EPHB2: variants seen among roughly 807,000 people sequenced by gnomAD.
EPHB2 encodes ephrin type-B receptor 2.
In EPHB2, 18 loss-of-function variants were observed where a neutral mutation model predicts 96.4. The observed-to-expected ratio is 0.19, with a 90% CI of 0.13 to 0.28. The LOEUF is 0.28. Among genes scored for constraint, EPHB2 ranks in the 10% least tolerant of loss-of-function variants. The pLI is 1.00. For synonymous variants in EPHB2, 506 were observed against 534.1 expected (o/e 0.95, Z 0.72); for missense variants, 989 against 1,355.4 (o/e 0.73, Z 4.25).
At chr1:22,719,379 T>C (rs1430308385) in intron 1 of EPHB2, 4 of 153,574 alleles carry the variant, frequency 2.6e-5, no homozygotes, top group Non-Finnish European at 5.9e-5. Flanking sequence ...TTAGCCAACA[T>C]TTGAAAATCA....
chr1:22,882,518 C>T, intron 6 of EPHB2, 35 bp downstream of exon 6: 1 of 1,612,042 alleles, frequency 6.2e-7, no homozygotes, highest in South Asian at 1.1e-5. Flanking sequence ...CCATCACCCA[C>T]CTCCCTGAGG....
chr1:22,843,478 C>T (rs571930461), intron 3 of EPHB2, among the ~76,000 whole-genome samples: 90 of 152,220 alleles, frequency 5.9e-4, no homozygotes, highest in African/African-American at 2.0e-3. Flanking sequence ...GGTAGTTTTT[C>T]GATCCTCTCT....
At chr1:22,855,546 G>A (rs1401228138) in intron 3 of EPHB2, among the ~76,000 whole-genome samples, 1 of 152,218 alleles carries the variant, frequency 6.6e-6, no homozygotes, top group Non-Finnish European at 1.5e-5. Flanking sequence ...AATGCCTGTA[G>A]AATAAATTTA....
intron 9 of EPHB2, among the ~76,000 whole-genome samples, chr1:22,896,959 A>C (rs1291346691): frequency 6.6e-6 from 1 of 152,360 alleles, no homozygotes; most frequent in South Asian, 2.1e-4. Flanking sequence ...AATCAAACTG[A>C]ATAAATAAGA....
chr1:22,724,271 A>G (rs1561627), intron 1 of EPHB2, among the ~76,000 whole-genome samples: 46,308 of 152,042 alleles, frequency 0.3, 8,280 homozygotes, highest in South Asian at 0.59. Flanking sequence ...ATGTAGAGAT[A>G]TATATTTTTT....
intron 1 of EPHB2, among the ~76,000 whole-genome samples, chr1:22,781,090 G>A (rs992092229): frequency 6.6e-6 from 1 of 151,956 alleles, no homozygotes; most frequent in African/African-American, 2.4e-5. Context: ...GGAGGGCGAG[G>A]CGGGCGGATC....
chr1:22,829,321 C>T (rs1289034926), intron 3 of EPHB2, among the ~76,000 whole-genome samples: 1 of 152,228 alleles, frequency 6.6e-6, no homozygotes, highest in African/African-American at 2.4e-5. Context: ...GGGAGAGGCT[C>T]CCGGTCAGCG....
chr1:22,787,470 T>C (rs1231395347), intron 3 of EPHB2, among the ~76,000 whole-genome samples: 1 of 152,002 alleles, frequency 6.6e-6, no homozygotes, highest in Non-Finnish European at 1.5e-5. Context: ...AACCAACAGA[T>C]CAGGTATGGT....
chr1:22,835,750 C>T (rs1035681232), intron 3 of EPHB2: 1 of 152,256 alleles, frequency 6.6e-6, no homozygotes, highest in Admixed American at 6.5e-5. Flanking sequence ...CACGTTCACA[C>T]AGGCACGCAC....
intron 3 of EPHB2, among the ~76,000 whole-genome samples, chr1:22,807,965 C>T (rs1570315634): frequency 6.6e-6 from 1 of 152,092 alleles, no homozygotes; most frequent in East Asian, 1.9e-4. Flanking sequence ...GAAACCCTGT[C>T]TCTACTAAAA....
At chr1:22,885,960 G>C (rs1295421621) in intron 6 of EPHB2, among the ~76,000 whole-genome samples, 2 of 152,168 alleles carry the variant, frequency 1.3e-5, no homozygotes, top group Non-Finnish European at 2.9e-5. Flanking sequence ...TTTGGGTCAG[G>C]CACTAAGCTG....
chr1:22,751,071 A>G (rs548755253), intron 1 of EPHB2, among the ~76,000 whole-genome samples: 192 of 152,346 alleles, frequency 1.3e-3, no homozygotes, highest in African/African-American at 4.5e-3. Context: ...TTAAAAGTAA[A>G]GTGGAGTTCA....
At chr1:22,823,164 C>T (rs576560482) in intron 3 of EPHB2, among the ~76,000 whole-genome samples, 84 of 152,348 alleles carry the variant, frequency 5.5e-4, no homozygotes, top group Middle Eastern at 3.4e-3. Context: ...GGACCCACCA[C>T]GGCTCCCAAA....
chr1:22,780,061 C>T (rs1323644305), intron 1 of EPHB2, among the ~76,000 whole-genome samples: 1 of 152,360 alleles, frequency 6.6e-6, no homozygotes, highest in East Asian at 1.9e-4. Context: ...TTTTCTCTCT[C>T]AGGGCACCCA....
chr1:22,907,044 G>A (rs1639940536), intron 11 of EPHB2, 87 bp downstream of exon 11: 3 of 1,480,468 alleles, frequency 2.0e-6, no homozygotes, highest in East Asian at 4.7e-5. Context: ...GAGCCTGAAG[G>A]GGTCTTGGAA....
intron 1 of EPHB2, among the ~76,000 whole-genome samples, chr1:22,772,601 G>T (rs1006627490): frequency 1.3e-5 from 2 of 152,130 alleles, no homozygotes; most frequent in African/African-American, 4.8e-5. Context: ...CCTTGCTTTG[G>T]GCCAGTGAAC....
intron 1 of EPHB2, among the ~76,000 whole-genome samples, chr1:22,712,611 T>C (rs549048680): frequency 1.0e-3 from 153 of 152,286 alleles, no homozygotes; most frequent in African/African-American, 3.5e-3. Context: ...GCAGCCACAG[T>C]TTCTGGCACT....
At chr1:22,897,483 G>A (rs558616592) in intron 9 of EPHB2, among the ~76,000 whole-genome samples, 1 of 152,028 alleles carries the variant, frequency 6.6e-6, no homozygotes, top group African/African-American at 2.4e-5. Flanking sequence ...CTAGGTGCTG[G>A]GGATCCCAGC....
chr1:22,911,065 A>G (rs953290756), intron 14 of EPHB2, among the ~76,000 whole-genome samples: 1 of 152,016 alleles, frequency 6.6e-6, no homozygotes, highest in Admixed American at 6.6e-5. Flanking sequence ...GCTTGAACCC[A>G]GGAGGCAGAG....
Sources: allele counts gnomAD v4.1 joint callset (sites outside exome capture counted in the v4.1 genomes callset), GRCh38; gene constraint gnomAD v4.1.1; transcripts MANE v1.5; gene names NCBI Gene and HGNC (gene_info 2026-07-23, HGNC 2026-07-21).